TUT7: variants seen among roughly 807,000 people sequenced by gnomAD.
TUT7 encodes terminal uridylyltransferase 7.
TUT7 carries 33 observed loss-of-function variants against 165.9 expected under a neutral mutation model. That is an observed-to-expected ratio of 0.20 (90% CI 0.15 to 0.27). TUT7 has a LOEUF of 0.27. Ranked by LOEUF, TUT7 falls within the 10% of genes least tolerant of loss-of-function variation. TUT7 has a pLI of 1.00. For synonymous variants in TUT7, 552 were observed against 608.1 expected (o/e 0.91, Z 1.36); for missense variants, 1,338 against 1,762.3 (o/e 0.76, Z 4.31).
chr9:86,317,391 C>T (rs377422394), intron 16 of TUT7, 115 bp from the exon 17 acceptor site: 90 of 898,026 alleles, frequency 1.0e-4, no homozygotes, highest in African/African-American at 9.0e-4. Flanking sequence ...CAGTCTATAT[C>T]TATTTTTTTC....
rs775339057 is a variant in TUT7 at position 86,345,771 on chromosome 9, G to A, written c.717C>T (p.Tyr239=). ...GTCTGCAGGTGTACTTTGCTGTAGGGTAGTTTCGTGGTCGCTATAATTTGA... is the reference window on the plus strand; with the variant it reads ...GTCTGCAGGTGTACTTTGCTGTAGGATAGTTTCGTGGTCGCTATAATTTGA... ...IDRLKRRPRN[Y]PTAKYTCRLC... The change falls in exon 4 of 27, where the codon TAC becomes TAT. Residue 239 remains tyrosine (Y), a synonymous_variant. Transcript: ENST00000375963. 5.0e-6 allele frequency: 8 copies of A among 1,611,076 alleles called. No individual in the cohort carries two copies. The East Asian group carries it at 8.9e-5, about 18-fold the overall frequency.
At chr9:86,336,396 G>A (rs945784558) in intron 10 of TUT7, among the ~76,000 whole-genome samples, 5 of 152,094 alleles carry the variant, frequency 3.3e-5, no homozygotes, top group African/African-American at 7.2e-5. Flanking sequence ...CCACAGGCAC[G>A]AAGAGAACTA....
At chr9:86,305,633 G>A (rs1480318473) in intron 22 of TUT7, among the ~76,000 whole-genome samples, 2 of 152,192 alleles carry the variant, frequency 1.3e-5, no homozygotes, top group African/African-American at 2.4e-5. Flanking sequence ...AGTTTTGGAT[G>A]TATATAGAAG....
rs949811727 is a variant in TUT7, at chr9:86,311,689, G to A, written c.3275-880C>T. The stretch of plus-strand genomic sequence containing the variant: ...TGCCGAGCCGAAGCTGGACTGTACC[G>A]CTGCCATCTCGGCTCACTGCAACCT... On this transcript the variant is annotated intron_variant, in intron 17 of 26. Coordinates refer to ENST00000375963, the MANE Select transcript of TUT7 (RefSeq NM_024617.4). The surrounding 1 kb of genome is among the most constrained non-coding windows in gnomAD (Gnocchi z 4.4). Among the ~76,000 whole-genome samples, 2 of 130,388 alleles carry A rather than the reference G, an allele frequency of 1.5e-5. No individual in the cohort carries two copies. Among genetic ancestry groups the A allele is most frequent in the Non-Finnish European group, 1.6e-5 (1 of 62,550 alleles). 85.5% of individuals were successfully genotyped at this position (130,388 alleles called of 152,430 possible).
In TUT7 at chr9:86,341,070, T is replaced by C; in HGVS notation, c.1087-17A>G. ...CTGAGACATCTAGGAAATAAATCAA[T>C]GAATACATGAAATTATTCCTAAGTG... On this transcript the variant is annotated splice_polypyrimidine_tract_variant and intron_variant, in intron 6 of 26. Coordinates refer to ENST00000375963, the MANE Select transcript of TUT7 (RefSeq NM_024617.4). 1 of 1,602,272 alleles carries C rather than the reference T, an allele frequency of 6.2e-7. No homozygotes were observed. The highest frequency in any genetic ancestry group is 8.5e-7 in the Non-Finnish European group (1 of 1,170,992).
rs1425519484 is a variant in TUT7, at chr9:86,321,138, A to C, written c.3028+1187T>G. 2.0e-5 allele frequency among the ~76,000 whole-genome samples: 3 copies of C among 151,432 alleles called. No individual in the cohort carries two copies. The East Asian group carries it at 5.8e-4, about 29-fold the overall frequency. ...GAGGTCAAGGCGAGCGGATCACTGG[A>C]GGTCAGGAGTTTGAGACTTGCCTGG... On this transcript the variant is annotated intron_variant, in intron 14 of 26. Transcript: ENST00000375963.
rs967086783 is a variant in TUT7, at chr9:86,343,917, A to G, written c.998-754T>C. Among the ~76,000 whole-genome samples the G allele has an allele frequency of 6.6e-5, 10 of 152,206 alleles. No homozygotes were observed. The South Asian group carries it at 1.9e-3, about 28-fold the overall frequency. On this transcript the variant is annotated intron_variant, in intron 5 of 26. Transcript: ENST00000375963. ...TTTCTTGTTTGTTTAAGGTTTGCTA[A>G]AATTCAAGTGATTTCTTTGGGTTTT...
chr9:86,345,185 G>A (rs775003024), intron 4 of TUT7, 31 bp from the exon 5 acceptor site: 112 of 1,585,228 alleles, frequency 7.1e-5, no homozygotes, highest in Non-Finnish European at 9.2e-5. Context: ...GATTAAAAAT[G>A]ACTTACACAT....
At chr9:86,337,658 G>A (rs1830929488) in intron 9 of TUT7, 120 bp from the exon 10 acceptor site, 8 of 1,191,534 alleles carry the variant, frequency 6.7e-6, no homozygotes, top group South Asian at 1.6e-5. Context: ...TAATTCTTCA[G>A]CTGAAAATAG....
intron 21 of TUT7, 87 bp from the exon 22 acceptor site, chr9:86,308,693 G>T: frequency 1.7e-6 from 2 of 1,152,044 alleles, no homozygotes; most frequent in Non-Finnish European, 2.4e-6. Flanking sequence ...AGTAAATTTG[G>T]ATTTATTTCT....
chr9:86,348,539 G>A (rs1291635955), intron 2 of TUT7, among the ~76,000 whole-genome samples: 6 of 152,074 alleles, frequency 3.9e-5, no homozygotes, highest in Admixed American at 3.9e-4. Context: ...GACTGCTTGA[G>A]CTCAGAAGTT....
At chr9:86,347,216 A>C in intron 2 of TUT7, among the ~76,000 whole-genome samples, 1 of 152,212 alleles carries the variant, frequency 6.6e-6, no homozygotes, top group East Asian at 1.9e-4. Context: ...CATTGAAACA[A>C]AAGTTTTCTC....
intron 21 of TUT7, among the ~76,000 whole-genome samples, chr9:86,309,006 G>T (rs1046491189): frequency 3.3e-5 from 5 of 152,160 alleles, no homozygotes; most frequent in African/African-American, 1.2e-4. Context: ...AGGCATTAAA[G>T]AAATACTGGA....
rs112083178 is a variant in TUT7 at position 86,340,188 on chromosome 9, T to C, written c.1139-83A>G. 3.7e-4 allele frequency: 435 copies of C among 1,161,470 alleles called. 1 individual carries two copies. In the African/African-American group the frequency reaches 4.7e-3, roughly 12 times the overall value. The allele number at this position is 1,161,470 out of a possible 1,614,324, so 71.9% of individuals were successfully genotyped here. A position where few individuals can be genotyped will look rare whatever the true frequency, so the allele number is the denominator to read the frequency against. ...GAACCAGATAAAGTACAAGTACCAG[T>C]TGTCCCTTAGCTGTTGAGTCTTTTG... On this transcript the variant is annotated intron_variant, in intron 7 of 26. Coordinates refer to ENST00000375963, the MANE Select transcript of TUT7 (RefSeq NM_024617.4).
chr9:86,354,093 C>T (rs534013961), intron 1 of TUT7, among the ~76,000 whole-genome samples, 178 bp downstream of exon 1: 104 of 152,344 alleles, frequency 6.8e-4, no homozygotes, highest in African/African-American at 2.4e-3. Context: ...AGGGTTCCCC[C>T]GGCCGGCCAG....
At chr9:86,326,631 C>T (rs973771073) in intron 11 of TUT7, 1 of 154,392 alleles carries the variant, frequency 6.5e-6, no homozygotes, top group South Asian at 2.0e-4. Context: ...AACACAATGT[C>T]ACCACTGTAA....
Position 86,301,282 on chromosome 9 carries a change from A to C in TUT7, c.4414T>G (p.Ser1472Ala). The C allele has an allele frequency of 6.2e-7, 1 of 1,613,246 alleles. No homozygotes were observed. The highest frequency in any genetic ancestry group is 8.5e-7 in the Non-Finnish European group (1 of 1,179,566). Reference protein sequence around the residue: ...IKKECPQFKGSSGSLSSKYMT... With the variant: ...IKKECPQFKGASGSLSSKYMT... ...GTGTGATAGGTGTCCATACCTGAAG[A>C]GCCTTTAAACTGTGGGCATTCCTTT... The change falls in exon 26 of 27, where the codon TCT becomes GCT. Residue 1472 changes from serine (S) to alanine (A), a missense_variant. Physicochemically the swap from Ser to Ala is moderately conservative, Grantham distance 99 (BLOSUM62 1). This residue lies in a region of TUT7 where 167 missense variants were observed against 204.9 expected (regional missense o/e 0.82). Coordinates refer to ENST00000375963, the MANE Select transcript of TUT7 (RefSeq NM_024617.4).
Position 86,319,015 on chromosome 9 carries a change from C to T in TUT7, c.3159G>A (p.Gly1053=). The change falls in exon 16 of 27, where the codon GGG becomes GGA. Residue 1053 remains glycine, a synonymous_variant. Transcript: ENST00000375963. Reference sequence around the variant, plus strand: ...AGACGTCAAGGTCACTCTGTTTGAACCCAAATCCATTTTTGGAGGAGCCAA... The same window carrying T: ...AGACGTCAAGGTCACTCTGTTTGAATCCAAATCCATTTTTGGAGGAGCCAA... The part of the protein sequence containing the change: ...SLFGSSKNGF[G]FKQSDLDVCM... The T allele has an allele frequency of 6.2e-7, 1 of 1,613,864 alleles. No homozygotes were observed. Among genetic ancestry groups the T allele is most frequent in the Non-Finnish European group, 8.5e-7 (1 of 1,179,882 alleles).
rs75949711 is a variant in TUT7 at position 86,295,643 on chromosome 9, T to C, written c.4420+5633A>G. ...CATACTATTTTAAAAAGTATTTCTA[T>C]TATTTTAAGCTTATTATCATAAAGA... On this transcript the variant is annotated intron_variant, in intron 26 of 26. Coordinates refer to ENST00000375963, the MANE Select transcript of TUT7 (RefSeq NM_024617.4). Among the ~76,000 whole-genome samples, 902 of 152,306 alleles carry C rather than the reference T, an allele frequency of 5.9e-3. 19 individuals carry two copies. The highest frequency in any genetic ancestry group is 0.05 in the East Asian group (259 of 5,186).
Sources: allele counts gnomAD v4.1 joint callset (sites outside exome capture counted in the v4.1 genomes callset), GRCh38; gene constraint gnomAD v4.1.1; regional missense constraint gnomAD v4.1.1; non-coding constraint Gnocchi (gnomAD v3.1); transcripts MANE v1.5; gene names NCBI Gene and HGNC (gene_info 2026-07-23, HGNC 2026-07-21).